The following NXPH1 variants were observed in gnomAD, a reference collection of about 807,000 sequenced individuals.
NXPH1 encodes the protein neurexophilin 1.
NXPH1 carries 5 observed loss-of-function variants against 23.7 expected under a neutral mutation model. The ratio of observed to expected loss-of-function variants is 0.21; its 90% confidence interval spans 0.11 to 0.44. The LOEUF is 0.44. Ranked by LOEUF, NXPH1 falls within the 20% of genes least tolerant of loss-of-function variation. The pLI, the probability that NXPH1 is intolerant of heterozygous loss-of-function variation, is 0.99. For synonymous variants in NXPH1, 144 were observed against 122.2 expected, an observed-to-expected ratio of 1.18 and a Z score of -1.18; for missense variants, 324 against 321.6, an observed-to-expected ratio of 1.01 and a Z score of -0.06.
intron 2 of NXPH1, among the ~76,000 whole-genome samples, chr7:8,569,040 T>G (rs979834841): frequency 6.6e-6 from 1 of 151,934 alleles, no homozygotes; most frequent in East Asian, 1.9e-4. Context: ...TAAAACTGTT[T>G]TGATGAAATT....
chr7:8,520,551 T>TC (rs1817754128), intron 2 of NXPH1, among the ~76,000 whole-genome samples: 1 of 152,042 alleles, frequency 6.6e-6, no homozygotes, highest in South Asian at 2.1e-4. Context: ...TTGATCCATT[T>TC]CCCCCCAAAG....
At chr7:8,661,846 A>G (rs1294895660) in intron 2 of NXPH1, among the ~76,000 whole-genome samples, 1 of 152,046 alleles carries the variant, frequency 6.6e-6, no homozygotes, top group African/African-American at 2.4e-5. Flanking sequence ...TTTCCAAATA[A>G]TGAATTACCA....
intron 2 of NXPH1, among the ~76,000 whole-genome samples, chr7:8,614,364 T>G (rs1819686835): frequency 6.6e-6 from 1 of 151,934 alleles, no homozygotes; most frequent in Admixed American, 6.6e-5. Context: ...TTGAACCAGT[T>G]TACATTCCTA....
At chr7:8,455,758 G>A (rs73248525) in intron 2 of NXPH1, among the ~76,000 whole-genome samples, 16,664 of 152,242 alleles carry the variant, frequency 0.11, 2,895 homozygotes, top group African/African-American at 0.37. Context: ...AAGGGTTTCA[G>A]CCAATATTCA....
chr7:8,686,883 G>T (rs1821153321), intron 2 of NXPH1, among the ~76,000 whole-genome samples: 1 of 152,044 alleles, frequency 6.6e-6, no homozygotes. Flanking sequence ...ATTTTATGCT[G>T]AATTACACAT....
At chr7:8,466,717 C>T (rs948348740) in intron 2 of NXPH1, among the ~76,000 whole-genome samples, 12 of 152,124 alleles carry the variant, frequency 7.9e-5, no homozygotes, top group Admixed American at 2.0e-4. Context: ...TGATCTAAAA[C>T]TTTATACCTT....
intron 2 of NXPH1, among the ~76,000 whole-genome samples, chr7:8,720,573 G>T (rs1583245499): frequency 6.6e-6 from 1 of 152,188 alleles, no homozygotes; most frequent in Non-Finnish European, 1.5e-5. Context: ...AAAAACATTA[G>T]CTTCGCTTAA....
chr7:8,501,575 A>T (rs1443386691), intron 2 of NXPH1, among the ~76,000 whole-genome samples: 1 of 152,080 alleles, frequency 6.6e-6, no homozygotes, highest in East Asian at 1.9e-4. Flanking sequence ...TCACATTTCA[A>T]ATATTAACAT....
rs190901471 is a variant in NXPH1 at position 8,598,322 on chromosome 7, C to T, written c.55-152686C>T. Among the ~76,000 whole-genome samples, 230 of 152,162 alleles carry T rather than the reference C, an allele frequency of 1.5e-3. 2 individuals are homozygous for T. Among genetic ancestry groups the T allele is most frequent in the South Asian group, 8.7e-3 (42 of 4,814 alleles). On this transcript the variant is annotated intron_variant, in intron 2 of 2. Coordinates refer to ENST00000405863, the MANE Select transcript of NXPH1 (RefSeq NM_152745.3). ...ATGGCTCTCCTTTTATAATTCACCC[C>T]GTCTCAATTATGAGATCCAAAATGC...
At chr7:8,610,614 A>G (rs1819597109) in intron 2 of NXPH1, among the ~76,000 whole-genome samples, 1 of 152,012 alleles carries the variant, frequency 6.6e-6, no homozygotes. Flanking sequence ...ATCCTTCCAG[A>G]TGTAGATCCC....
intron 2 of NXPH1, among the ~76,000 whole-genome samples, chr7:8,686,557 A>G (rs1384504597): frequency 6.6e-6 from 1 of 152,142 alleles, no homozygotes; most frequent in Non-Finnish European, 1.5e-5. Context: ...TACACAGTAA[A>G]AGTATAGTTT....
At chr7:8,485,320 G>C (rs1047541160) in intron 2 of NXPH1, among the ~76,000 whole-genome samples, 2 of 152,108 alleles carry the variant, frequency 1.3e-5, no homozygotes, top group African/African-American at 4.8e-5. Context: ...GGAACTGTGA[G>C]TCCATTAAAC....
intron 2 of NXPH1, among the ~76,000 whole-genome samples, chr7:8,513,966 C>T (rs931988028): frequency 3.3e-5 from 5 of 152,060 alleles, no homozygotes; most frequent in African/African-American, 1.2e-4. Context: ...CCAGGCCTCT[C>T]TCCTTGGCTT....
chr7:8,664,413 G>T (rs368855292), intron 2 of NXPH1, among the ~76,000 whole-genome samples: 5 of 152,030 alleles, frequency 3.3e-5, no homozygotes, highest in African/African-American at 1.2e-4. Flanking sequence ...TTCTCCCACT[G>T]CCCTTCTGAA....
intron 2 of NXPH1, among the ~76,000 whole-genome samples, chr7:8,694,976 A>G (rs1821283031): frequency 6.6e-6 from 1 of 152,216 alleles, no homozygotes; most frequent in Non-Finnish European, 1.5e-5. Flanking sequence ...TTATTTTAAA[A>G]CCAAGTATTA....
chr7:8,602,323 C>T (rs1004860498), intron 2 of NXPH1, among the ~76,000 whole-genome samples: 6 of 152,126 alleles, frequency 3.9e-5, no homozygotes, highest in Admixed American at 2.0e-4. Flanking sequence ...AAAATCTTTA[C>T]TTGCTTTCTG....
At chr7:8,665,195 G>GA (rs1820740837) in intron 2 of NXPH1, among the ~76,000 whole-genome samples, 3 of 151,870 alleles carry the variant, frequency 2.0e-5, no homozygotes, top group Non-Finnish European at 4.4e-5. Flanking sequence ...GTTGATTTTT[G>GA]TAAATGGTGT....
intron 2 of NXPH1, among the ~76,000 whole-genome samples, chr7:8,688,858 G>T (rs976518155): frequency 1.3e-5 from 2 of 152,118 alleles, no homozygotes; most frequent in Admixed American, 6.6e-5. Context: ...TGCAGAACAG[G>T]ATTACAGCTT....
chr7:8,485,559 C>T (rs907659680), intron 2 of NXPH1, among the ~76,000 whole-genome samples: 1 of 152,056 alleles, frequency 6.6e-6, no homozygotes, highest in African/African-American at 2.4e-5. Flanking sequence ...CTCTGTTCTT[C>T]TCCGGGCCCC....
Sources: allele counts gnomAD v4.1 joint callset (sites outside exome capture counted in the v4.1 genomes callset), GRCh38; gene constraint gnomAD v4.1.1; transcripts MANE v1.5; gene names NCBI Gene and HGNC (gene_info 2026-07-23, HGNC 2026-07-21).